NEGR1: variants seen among roughly 807,000 people sequenced by gnomAD.
The protein encoded by NEGR1 is neuronal growth regulator 1.
NEGR1 carries 10 observed loss-of-function variants against 40.9 expected under a neutral mutation model. The ratio of observed to expected loss-of-function variants is 0.24; its 90% CI spans 0.15 to 0.42. NEGR1 has a LOEUF of 0.42. NEGR1 is among the 10% of genes least tolerant of loss of function. The probability of loss-of-function intolerance (pLI) is 1.00; values close to 1 mark genes in which losing one functional copy is unlikely to be tolerated. For synonymous variants in NEGR1, 185 were observed against 166.8 expected (o/e 1.11, Z -0.84); for missense variants, 352 against 438.9 (o/e 0.80, Z 1.77).
chr1:71,746,802 A>G (rs898445071), intron 3 of NEGR1, among the ~76,000 whole-genome samples: 4 of 152,098 alleles, frequency 2.6e-5, no homozygotes, highest in South Asian at 4.1e-4. Flanking sequence ...ACAGATTTCT[A>G]AAGTTTCCAA....
At chr1:72,191,214 C>T (rs796376142) in intron 1 of NEGR1, among the ~76,000 whole-genome samples, 2 of 151,848 alleles carry the variant, frequency 1.3e-5, no homozygotes, top group African/African-American at 4.8e-5. Flanking sequence ...GCTCTTCCAA[C>T]TGATTCATAG....
intron 5 of NEGR1, 132 bp from the exon 6 acceptor site, chr1:71,593,100 G>T: frequency 3.6e-6 from 2 of 548,950 alleles, no homozygotes; most frequent in Non-Finnish European, 3.3e-6. Context: ...ACGTGATAAT[G>T]GTGCAATTTA....
chr1:71,800,216 TGTTTAA>T (rs1453170104), intron 2 of NEGR1, among the ~76,000 whole-genome samples: 1 of 152,246 alleles, frequency 6.6e-6, no homozygotes, highest in East Asian at 1.9e-4. Context: ...CTTGTAAATT[TGTTTAA>T]GTTCTCTGCA....
chr1:72,120,099 A>C (rs982179381), intron 1 of NEGR1, among the ~76,000 whole-genome samples: 3 of 152,014 alleles, frequency 2.0e-5, no homozygotes, highest in East Asian at 3.9e-4. Flanking sequence ...TCTCATAGCT[A>C]ACCTATTTTC....
intron 1 of NEGR1, among the ~76,000 whole-genome samples, chr1:72,141,212 C>G (rs1478348229): frequency 6.6e-6 from 1 of 151,810 alleles, no homozygotes; most frequent in Non-Finnish European, 1.5e-5. Context: ...TAATATAGGC[C>G]ATAAACACCA....
At chr1:72,151,309 C>T (rs1651115929) in intron 1 of NEGR1, among the ~76,000 whole-genome samples, 1 of 151,024 alleles carries the variant, frequency 6.6e-6, no homozygotes, top group Admixed American at 6.6e-5. Flanking sequence ...ATTTAATCTA[C>T]ATAATATATT....
At chr1:71,757,628 C>T (rs1341890159) in intron 3 of NEGR1, among the ~76,000 whole-genome samples, 1 of 151,800 alleles carries the variant, frequency 6.6e-6, no homozygotes, top group Non-Finnish European at 1.5e-5. Context: ...AAAATGTAAC[C>T]CTTCTCTAAT....
intron 1 of NEGR1, among the ~76,000 whole-genome samples, chr1:72,266,763 A>C (rs945995886): frequency 1.3e-5 from 2 of 148,620 alleles, no homozygotes; most frequent in East Asian, 2.0e-4. Flanking sequence ...ACACACACAC[A>C]CCAATTTGGA....
intron 3 of NEGR1, among the ~76,000 whole-genome samples, chr1:71,746,861 A>T (rs1655403949): frequency 6.6e-6 from 1 of 152,182 alleles, no homozygotes; most frequent in Admixed American, 6.5e-5. Flanking sequence ...TTTTAATTGC[A>T]TGGCAAATTC....
At chr1:71,438,907 G>T (rs1053591868) in intron 6 of NEGR1, among the ~76,000 whole-genome samples, 1 of 152,158 alleles carries the variant, frequency 6.6e-6, no homozygotes, top group Non-Finnish European at 1.5e-5. Flanking sequence ...CACAGGAGGA[G>T]CAAGCTATAC....
chr1:71,815,143 C>G (rs1245455757), intron 2 of NEGR1, among the ~76,000 whole-genome samples: 1 of 152,110 alleles, frequency 6.6e-6, no homozygotes, highest in African/African-American at 2.4e-5. Flanking sequence ...TTATTGATTT[C>G]TGCCTTAATT....
intron 1 of NEGR1, among the ~76,000 whole-genome samples, chr1:72,244,724 G>A (rs1654851683): frequency 6.6e-6 from 1 of 151,756 alleles, no homozygotes; most frequent in Non-Finnish European, 1.5e-5. Flanking sequence ...TCACATATTT[G>A]TCAATCAATA....
At chr1:71,914,141 CTCTT>C (rs1661506837) in intron 2 of NEGR1, among the ~76,000 whole-genome samples, 1 of 152,198 alleles carries the variant, frequency 6.6e-6, no homozygotes, top group African/African-American at 2.4e-5. Flanking sequence ...CAGGAATTAA[CTCTT>C]TCTTAGCCAA....
At chr1:71,900,085 TA>T (rs927247991) in intron 2 of NEGR1, among the ~76,000 whole-genome samples, 3 of 152,178 alleles carry the variant, frequency 2.0e-5, no homozygotes, top group African/African-American at 7.2e-5. Flanking sequence ...AGCCAAAAAA[TA>T]CAGTATACCA....
At chr1:71,604,916 C>T (rs762031337) in intron 5 of NEGR1, among the ~76,000 whole-genome samples, 1 of 151,990 alleles carries the variant, frequency 6.6e-6, no homozygotes, top group Non-Finnish European at 1.5e-5. Context: ...TATTATAGGC[C>T]CCACACTGCC....
intron 4 of NEGR1, among the ~76,000 whole-genome samples, chr1:71,687,299 T>A (rs979233698): frequency 2.6e-5 from 4 of 152,198 alleles, no homozygotes; most frequent in African/African-American, 9.7e-5. Context: ...AGTAGAGTAG[T>A]GAATCTTATA....
At chr1:71,618,786 G>C (rs993811695) in intron 4 of NEGR1, among the ~76,000 whole-genome samples, 1 of 152,224 alleles carries the variant, frequency 6.6e-6, no homozygotes, top group Non-Finnish European at 1.5e-5. Flanking sequence ...GTGCCAAAAA[G>C]GTTAGAGACT....
chr1:72,078,489 G>C (rs925501931), intron 1 of NEGR1, among the ~76,000 whole-genome samples: 1 of 151,774 alleles, frequency 6.6e-6, no homozygotes, highest in Non-Finnish European at 1.5e-5. Flanking sequence ...ATCTATTTTT[G>C]CTGTTAGATA....
intron 1 of NEGR1, among the ~76,000 whole-genome samples, chr1:72,146,662 C>A (rs1234174399): frequency 1.3e-5 from 2 of 152,050 alleles, no homozygotes; most frequent in African/African-American, 4.8e-5. Flanking sequence ...TGGGTTCCAT[C>A]CCCAAGATAT....
Sources: allele counts gnomAD v4.1 joint callset (sites outside exome capture counted in the v4.1 genomes callset), GRCh38; gene constraint gnomAD v4.1.1; transcripts MANE v1.5; gene names NCBI Gene and HGNC (gene_info 2026-07-23, HGNC 2026-07-21).